SCD5: variants seen among roughly 807,000 people sequenced by gnomAD.
SCD5 encodes the protein stearoyl-CoA desaturase 5, also known as acyl-CoA-desaturase 4.
In SCD5, 20 loss-of-function variants were observed where a neutral mutation model predicts 30.4. That is an observed-to-expected ratio of 0.66 (90% CI 0.46 to 0.96). The LOEUF is 0.96. Ranked by LOEUF, SCD5 falls within the 40% of genes least tolerant of loss-of-function variation. SCD5 has a pLI of 0.00. For synonymous variants in SCD5, 173 were observed against 176.4 expected, an observed-to-expected ratio of 0.98 and a Z score of 0.16; for missense variants, 381 against 443.3, an observed-to-expected ratio of 0.86 and a Z score of 1.26.
At chr4:82,665,959 C>T (rs1728176824) in intron 3 of SCD5, among the ~76,000 whole-genome samples, 1 of 152,020 alleles carries the variant, frequency 6.6e-6, no homozygotes, top group South Asian at 2.1e-4. Context: ...AATCTTGATG[C>T]TGATTTGCAT....
chr4:82,747,922 G>A (rs1439085467), intron 1 of SCD5, among the ~76,000 whole-genome samples: 1 of 152,230 alleles, frequency 6.6e-6, no homozygotes, highest in Non-Finnish European at 1.5e-5. Flanking sequence ...GGAAGAGAGA[G>A]AGGAAGAGCT....
chr4:82,647,910 A>AT (rs11438257), intron 3 of SCD5, among the ~76,000 whole-genome samples: 4,588 of 152,192 alleles, frequency 0.03, 255 homozygotes, highest in African/African-American at 0.1. Flanking sequence ...ATCATTACTC[A>AT]TTTTTTTTGC....
chr4:82,648,329 T>G (rs560095900), intron 3 of SCD5, among the ~76,000 whole-genome samples: 5 of 152,176 alleles, frequency 3.3e-5, no homozygotes, highest in African/African-American at 9.6e-5. Flanking sequence ...AACAGAGAAG[T>G]CCCAAGGCAG....
chr4:82,733,546 A>G (rs556076087), intron 1 of SCD5, among the ~76,000 whole-genome samples: 68 of 152,342 alleles, frequency 4.5e-4, no homozygotes, highest in African/African-American at 1.6e-3. Flanking sequence ...CATGTCCCCA[A>G]TAAATATTAC....
At chr4:82,758,667 C>T (rs772137197) in intron 1 of SCD5, among the ~76,000 whole-genome samples, 3 of 152,074 alleles carry the variant, frequency 2.0e-5, no homozygotes, top group Middle Eastern at 3.4e-3. Flanking sequence ...TTTGGGTCAG[C>T]GGGACAGGAT....
intron 1 of SCD5, among the ~76,000 whole-genome samples, chr4:82,764,730 CT>C (rs34219216): frequency 9.3e-4 from 133 of 143,086 alleles, no homozygotes; most frequent in Admixed American, 1.0e-3. Context: ...TCTTTTCTTT[CT>C]TTTTTTTTTT....
At chr4:82,637,436 T>C (rs1235101298) in intron 3 of SCD5, among the ~76,000 whole-genome samples, 1 of 152,218 alleles carries the variant, frequency 6.6e-6, no homozygotes, top group African/African-American at 2.4e-5. Context: ...ATAGTTTGAG[T>C]TCTGGACCTA....
chr4:82,794,241 A>G (rs952638539), intron 1 of SCD5, among the ~76,000 whole-genome samples: 23 of 152,344 alleles, frequency 1.5e-4, no homozygotes, highest in African/African-American at 5.3e-4. Flanking sequence ...TTGCGCCAAG[A>G]CAGGATAGAA....
intron 1 of SCD5, among the ~76,000 whole-genome samples, chr4:82,712,105 C>T (rs981164111): frequency 1.9e-4 from 29 of 149,170 alleles, no homozygotes; most frequent in Non-Finnish European, 3.4e-4. Flanking sequence ...CCATTATGAT[C>T]TCCATCTTAT....
Position 82,729,402 on chromosome 4 carries a change from C to T in SCD5, c.233-23989G>A, listed in dbSNP as rs1720578646. On this transcript the variant is annotated intron_variant, in intron 1 of 4. Transcript: ENST00000319540. The stretch of plus-strand genomic sequence containing the variant: ...TGAGGATTATAGTCAGCGATGCTTT[C>T]TTGTGTTTACACCTTGACTGATAAG... Among the ~76,000 whole-genome samples, 4 of 152,240 alleles carry T rather than the reference C, an allele frequency of 2.6e-5. No homozygotes were observed. The South Asian group carries it at 8.3e-4, about 32-fold the overall frequency.
intron 1 of SCD5, among the ~76,000 whole-genome samples, chr4:82,731,057 T>C (rs1720634168): frequency 2.0e-5 from 3 of 152,126 alleles, no homozygotes; most frequent in Admixed American, 1.3e-4. Flanking sequence ...ACCACCCCAT[T>C]ATGATATTTT....
In SCD5 at chr4:82,636,734, T is replaced by C. The variant is rs745996741; in HGVS notation, c.659A>G (p.Tyr220Cys). Reference protein sequence around the residue: ...YIWGESLWNSYFLASILRYTI... With the variant: ...YIWGESLWNSCFLASILRYTI... ...ATAGCGGAGAATAGAGGCCAAGAAGTAGGAATTCCACAGACTCTCTCCCCA... is the reference window on the plus strand; with the variant it reads ...ATAGCGGAGAATAGAGGCCAAGAAGCAGGAATTCCACAGACTCTCTCCCCA... Residue 220 changes from tyrosine to cysteine, a missense_variant, in exon 4 of 5, where the codon TAC (tyrosine) becomes TGC (cysteine). Transcript: ENST00000319540. 6 of 1,613,984 alleles carry C rather than the reference T, an allele frequency of 3.7e-6. No individual in the cohort carries two copies. The highest frequency in any genetic ancestry group is 5.1e-6 in the Non-Finnish European group (6 of 1,180,022).
At chr4:82,758,935 A>C (rs1254773397) in intron 1 of SCD5, among the ~76,000 whole-genome samples, 1 of 148,040 alleles carries the variant, frequency 6.8e-6, no homozygotes, top group African/African-American at 2.4e-5. Flanking sequence ...CCTGCGAAAC[A>C]ACAAGCACAT....
At chr4:82,679,150 G>GATC (rs1351911512) in intron 3 of SCD5, among the ~76,000 whole-genome samples, 2 of 147,146 alleles carry the variant, frequency 1.4e-5, no homozygotes, top group African/African-American at 5.0e-5. Flanking sequence ...AGTGAGCCGA[G>GATC]ATCACGCCAC....
chr4:82,664,786 A>G (rs1728131019), intron 3 of SCD5, among the ~76,000 whole-genome samples: 1 of 152,014 alleles, frequency 6.6e-6, no homozygotes, highest in East Asian at 1.9e-4. Context: ...AGCACATCCA[A>G]TATCTGTGGG....
chr4:82,705,202 G>A lies in SCD5; in HGVS notation c.363+81C>T, dbSNP rs140220431. The stretch of plus-strand genomic sequence containing the variant: ...ACTGAGTCTAGGACAGGGGTGGAGG[G>A]GTGTCAGCCCATCTTTCCCCTCCTC... On this transcript the variant is annotated intron_variant, in intron 2 of 4. Coordinates refer to ENST00000319540, the MANE Select transcript of SCD5 (RefSeq NM_001037582.3). The A allele has an allele frequency of 6.1e-4, 947 of 1,540,972 alleles. 4 individuals carry two copies. The African/African-American group carries it at 0.011, about 18-fold the overall frequency.
At position 82,786,856 on chromosome 4, in the gene SCD5, T is replaced by C. The variant is rs190113815; in HGVS notation, c.232+11450A>G. 1.6e-3 allele frequency among the ~76,000 whole-genome samples: 248 copies of C among 150,414 alleles called. 1 individual carries two copies. Among genetic ancestry groups the C allele is most frequent in the Admixed American group, 5.4e-3 (82 of 15,154 alleles). ...TTCCCAATAGCCACCAGGAGCAACG[T>C]AGATCAAGCACTTACCTTAAGTAGG... is the stretch of plus-strand genomic sequence containing the variant. On this transcript the variant is annotated intron_variant, in intron 1 of 4. Transcript: ENST00000319540.
chr4:82,767,949 G>T (rs1394649463), intron 1 of SCD5, among the ~76,000 whole-genome samples: 3 of 151,894 alleles, frequency 2.0e-5, no homozygotes, highest in Non-Finnish European at 4.4e-5. Flanking sequence ...TCTTTTTGAA[G>T]GAAAATAATA....
rs982882879 is a variant in SCD5, at chr4:82,798,629, T to C, written c.-92A>G. On this transcript the variant is annotated 5_prime_UTR_variant, in exon 1 of 5. Coordinates refer to ENST00000319540, the MANE Select transcript of SCD5 (RefSeq NM_001037582.3). ...GGGTGGGGGCGGGGGCTTCTGCCTT[T>C]TAGGGGGGAATTCTCCGCACGTCCA... 1.9e-5 allele frequency: 22 copies of C among 1,135,392 alleles called. No individual in the cohort carries two copies. Among genetic ancestry groups the C allele is most frequent in the Middle Eastern group, 2.9e-4 (1 of 3,500 alleles). The allele number at this position is 1,135,392 out of a possible 1,614,324, so 70.3% of individuals were successfully genotyped here.
Sources: allele counts gnomAD v4.1 joint callset (sites outside exome capture counted in the v4.1 genomes callset), GRCh38; gene constraint gnomAD v4.1.1; transcripts MANE v1.5; gene names NCBI Gene and HGNC (gene_info 2026-07-23, HGNC 2026-07-21).